COP1: variants seen among roughly 807,000 people sequenced by gnomAD.
COP1 encodes E3 ubiquitin-protein ligase COP1.
COP1 carries 24 observed loss-of-function variants against 101.3 expected under a neutral mutation model. That is an observed-to-expected ratio of 0.24 (90% confidence interval 0.17 to 0.33). COP1 has a LOEUF of 0.33. COP1 is among the 10% of genes least tolerant of loss of function. COP1 has a pLI of 1.00. For missense variants in COP1, 663 were observed against 906.2 expected, an observed-to-expected ratio of 0.73 and a Z score of 3.45; for synonymous variants, 347 against 341.9, an observed-to-expected ratio of 1.01 and a Z score of -0.17.
intron 3 of COP1, among the ~76,000 whole-genome samples, chr1:176,172,936 A>T (rs909109846): frequency 2.6e-5 from 4 of 152,218 alleles, no homozygotes; most frequent in Non-Finnish European, 5.9e-5. Context: ...TCAGGATGAA[A>T]TGTTATTTCC....
At chr1:176,030,427 C>A (rs145037843) in intron 14 of COP1, among the ~76,000 whole-genome samples, 7 of 152,190 alleles carry the variant, frequency 4.6e-5, no homozygotes, top group African/African-American at 1.7e-4. Context: ...CTTATAATCA[C>A]TAAAAACCTT....
At chr1:176,011,949 G>A (rs1664750126) in intron 15 of COP1, among the ~76,000 whole-genome samples, 2 of 152,116 alleles carry the variant, frequency 1.3e-5, no homozygotes, top group South Asian at 4.1e-4. Context: ...CTGTGTTACT[G>A]GCTTATGTAT....
chr1:175,961,665 C>T (rs972960136), intron 18 of COP1, among the ~76,000 whole-genome samples: 2 of 140,856 alleles, frequency 1.4e-5, no homozygotes, highest in Non-Finnish European at 3.0e-5. Context: ...CACTGCATTC[C>T]AGCCTGGGTA....
At chr1:175,960,109 C>G (rs1342025803) in intron 18 of COP1, among the ~76,000 whole-genome samples, 1 of 152,144 alleles carries the variant, frequency 6.6e-6, no homozygotes, top group Non-Finnish European at 1.5e-5. Context: ...TTTCTATATT[C>G]ATGGAAATGC....
intron 18 of COP1, among the ~76,000 whole-genome samples, chr1:175,955,602 A>C (rs1262367558): frequency 6.6e-6 from 1 of 152,210 alleles, no homozygotes; most frequent in Non-Finnish European, 1.5e-5. Context: ...CCTTAAAAAT[A>C]AGCCACTAGA....
intron 1 of COP1, among the ~76,000 whole-genome samples, chr1:176,204,826 G>A (rs1175234091): frequency 6.6e-6 from 1 of 152,184 alleles, no homozygotes; most frequent in African/African-American, 2.4e-5. Flanking sequence ...TACTCGGGAG[G>A]CTGAGGCTGG....
chr1:175,967,071 G>A (rs1486934829), intron 18 of COP1, among the ~76,000 whole-genome samples: 1 of 152,174 alleles, frequency 6.6e-6, no homozygotes, highest in Admixed American at 6.5e-5. Flanking sequence ...TCGTTCATTA[G>A]AATGAACAGA....
At chr1:176,025,488 G>A (rs1667510582) in intron 15 of COP1, among the ~76,000 whole-genome samples, 1 of 149,416 alleles carries the variant, frequency 6.7e-6, no homozygotes. Flanking sequence ...AAAAAAGAGT[G>A]GACAATAAAA....
chr1:176,159,941 G>A (rs1277633290), intron 5 of COP1, among the ~76,000 whole-genome samples: 2 of 152,058 alleles, frequency 1.3e-5, no homozygotes, highest in Non-Finnish European at 2.9e-5. Flanking sequence ...CTAGGAAGGA[G>A]TATTTCAGAG....
chr1:175,990,416 T>C (rs1658115436), intron 15 of COP1, among the ~76,000 whole-genome samples: 1 of 152,150 alleles, frequency 6.6e-6, no homozygotes, highest in African/African-American at 2.4e-5. Context: ...TGGTGTCCCC[T>C]GGAGACTGTT....
chr1:176,084,251 G>A (rs1402997390), intron 10 of COP1, among the ~76,000 whole-genome samples: 2 of 152,178 alleles, frequency 1.3e-5, no homozygotes, highest in African/African-American at 4.8e-5. Flanking sequence ...TTACAGGCAT[G>A]AGCCACTGCG....
intron 15 of COP1, among the ~76,000 whole-genome samples, chr1:175,989,813 T>C (rs543759464): frequency 5.1e-4 from 78 of 152,320 alleles, no homozygotes; most frequent in African/African-American, 1.9e-3. Flanking sequence ...ATTATTTAGA[T>C]ATATTTTGCA....
chr1:176,019,524 CACT>C (rs1204624124), intron 15 of COP1, among the ~76,000 whole-genome samples: 66 of 147,828 alleles, frequency 4.5e-4, no homozygotes, highest in African/African-American at 1.5e-3. Context: ...TCATCATCAT[CACT>C]ACTACTACCA....
intron 11 of COP1, among the ~76,000 whole-genome samples, chr1:176,066,737 T>A (rs1009381180): frequency 3.3e-5 from 5 of 152,168 alleles, no homozygotes; most frequent in African/African-American, 1.2e-4. Flanking sequence ...AATTTCACTA[T>A]GAAATTCCTT....
intron 7 of COP1, among the ~76,000 whole-genome samples, chr1:176,135,815 TAC>T: frequency 6.6e-6 from 1 of 152,212 alleles, no homozygotes; most frequent in South Asian, 2.1e-4. Flanking sequence ...AGCTCAATCA[TAC>T]AGTCAGGTAA....
intron 5 of COP1, among the ~76,000 whole-genome samples, chr1:176,149,503 A>G (rs959168575): frequency 2.0e-5 from 3 of 152,172 alleles, no homozygotes; most frequent in Non-Finnish European, 4.4e-5. Context: ...AGATAAACCT[A>G]TACCTTTCAC....
chr1:176,073,184 T>C (rs2149358580), intron 11 of COP1, among the ~76,000 whole-genome samples: 1 of 152,250 alleles, frequency 6.6e-6, no homozygotes, highest in Non-Finnish European at 1.5e-5. Flanking sequence ...TTAAATGAAT[T>C]AGGGAATTGA....
chr1:176,118,127 T>C (rs1686516736), intron 8 of COP1, among the ~76,000 whole-genome samples: 1 of 152,232 alleles, frequency 6.6e-6, no homozygotes, highest in Non-Finnish European at 1.5e-5. Context: ...TCTGGGCAAG[T>C]GATTAATCTT....
At chr1:176,058,611 A>C (rs956127505) in intron 11 of COP1, among the ~76,000 whole-genome samples, 6 of 152,186 alleles carry the variant, frequency 3.9e-5, no homozygotes, top group Non-Finnish European at 7.3e-5. Flanking sequence ...CCCAGGGACA[A>C]AAACACTGCG....
Sources: allele counts gnomAD v4.1 joint callset (sites outside exome capture counted in the v4.1 genomes callset), GRCh38; gene constraint gnomAD v4.1.1; transcripts MANE v1.5; gene names NCBI Gene and HGNC (gene_info 2026-07-23, HGNC 2026-07-21).